The following ABCG2 variants were observed in gnomAD, a reference collection of about 807,000 sequenced individuals.
ABCG2 encodes ATP binding cassette subfamily G member 2 (JR blood group).
Under a neutral mutation model 73.5 loss-of-function variants are expected in ABCG2, and 80 were observed. The observed-to-expected ratio is 1.09, with a 90% CI of 0.91 to 1.31. The LOEUF (loss-of-function observed/expected upper bound fraction) is 1.31, where lower values mean the gene tolerates loss of function less well. ABCG2 is among the 50% of genes most tolerant of loss of function. The probability of loss-of-function intolerance (pLI) is 0.00; values close to 1 mark genes in which losing one functional copy is unlikely to be tolerated. For synonymous variants in ABCG2, 269 were observed against 282.4 expected (o/e 0.95, Z 0.48); for missense variants, 796 against 786.2 (o/e 1.01, Z -0.15).
intron 6 of ABCG2, among the ~76,000 whole-genome samples, chr4:88,119,356 TG>T (rs1723805571): frequency 6.6e-6 from 1 of 152,238 alleles, no homozygotes. Flanking sequence ...AAATTGGTAC[TG>T]GTAGAGCAGG....
chr4:88,211,023 C>T (rs1729569034), intron 1 of ABCG2, among the ~76,000 whole-genome samples: 2 of 151,688 alleles, frequency 1.3e-5, no homozygotes, highest in Admixed American at 6.6e-5. Flanking sequence ...GCTGTAGTGC[C>T]CTGTGACTGC....
chr4:88,129,084 T>C (rs1481682618), intron 5 of ABCG2, among the ~76,000 whole-genome samples: 2 of 152,072 alleles, frequency 1.3e-5, no homozygotes, highest in Admixed American at 1.3e-4. Flanking sequence ...CTATAATTAT[T>C]AGTCTTCTAA....
upstream of ABCG2, among the ~76,000 whole-genome samples, chr4:88,160,813 C>A (rs1727264677): frequency 7.1e-6 from 1 of 140,968 alleles, no homozygotes; most frequent in African/African-American, 2.7e-5. Flanking sequence ...CATGTCACTG[C>A]ACTCTAGCCT....
chr4:88,221,473 A>C (rs965768993), intron 1 of ABCG2, among the ~76,000 whole-genome samples: 40 of 152,212 alleles, frequency 2.6e-4, no homozygotes, highest in Non-Finnish European at 2.9e-5. Flanking sequence ...AGACAGGAAA[A>C]TGTGGGAAAG....
intron 11 of ABCG2, among the ~76,000 whole-genome samples, chr4:88,099,669 T>C (rs1334727733): frequency 1.3e-5 from 2 of 152,198 alleles, no homozygotes; most frequent in African/African-American, 4.8e-5. Context: ...CCTCTTCTCA[T>C]GACACTGTTC....
intron 1 of ABCG2, among the ~76,000 whole-genome samples, chr4:88,210,374 T>C (rs935358373): frequency 1.3e-5 from 2 of 152,090 alleles, no homozygotes; most frequent in Non-Finnish European, 2.9e-5. Flanking sequence ...ATTTTTGTGT[T>C]CGTTGAAGGA....
intron 1 of ABCG2, among the ~76,000 whole-genome samples, chr4:88,202,374 A>ATATATATATATATC (rs1240795047): frequency 8.6e-6 from 1 of 115,834 alleles, no homozygotes; most frequent in Non-Finnish European, 1.8e-5. Context: ...ATATATATAT[A>ATATATATATATATC]TATGTATATT....
At chr4:88,203,940 A>C (rs1411692558) in intron 1 of ABCG2, among the ~76,000 whole-genome samples, 1 of 152,146 alleles carries the variant, frequency 6.6e-6, no homozygotes, top group Non-Finnish European at 1.5e-5. Flanking sequence ...AAAATCTTAA[A>C]GCCACAGCTG....
At chr4:88,209,958 G>A (rs983376470) in intron 1 of ABCG2, among the ~76,000 whole-genome samples, 1 of 151,944 alleles carries the variant, frequency 6.6e-6, no homozygotes, top group Non-Finnish European at 1.5e-5. Flanking sequence ...GACTGAATAC[G>A]TTTTTTGCTT....
At position 88,183,210 on chromosome 4, in the gene ABCG2, AT is replaced by A. The variant is rs554433011; in HGVS notation, c.-19-43197del. ...ACCCAAAACTGGTAGAAGAAGAGAA[AT>A]TATGAAGATCAGAGCAAAATAAATG... On this transcript the variant is annotated intron_variant, in intron 1 of 15. Transcript: ENST00000515655. Among the ~76,000 whole-genome samples, 8 of 152,082 alleles carry A rather than the reference AT, an allele frequency of 5.3e-5. No individual in the cohort carries two copies. The South Asian group carries it at 1.4e-3, about 28-fold the overall frequency.
At chr4:88,206,853 G>A (rs974140206) in intron 1 of ABCG2, among the ~76,000 whole-genome samples, 1 of 152,140 alleles carries the variant, frequency 6.6e-6, no homozygotes, top group African/African-American at 2.4e-5. Flanking sequence ...TAGACACAGA[G>A]CGCTGATTGG....
At chr4:88,186,633 C>T (rs1382008872) in intron 1 of ABCG2, among the ~76,000 whole-genome samples, 1 of 151,982 alleles carries the variant, frequency 6.6e-6, no homozygotes, top group African/African-American at 2.4e-5. Context: ...AAAATTTAGC[C>T]GGGCGGCCGG....
intron 2 of ABCG2, among the ~76,000 whole-genome samples, chr4:88,134,065 CA>C (rs1725084677): frequency 6.6e-6 from 1 of 151,362 alleles, no homozygotes; most frequent in Non-Finnish European, 1.5e-5. Context: ...TTTCAAAACA[CA>C]GGTATCTATG....
Position 88,099,465 on chromosome 4 carries a change from C to A in ABCG2, c.1368-17G>T. 1 of 1,586,358 alleles carries A rather than the reference C, an allele frequency of 6.3e-7. No individual in the cohort carries two copies. Among genetic ancestry groups the A allele is most frequent in the Middle Eastern group, 1.8e-4 (1 of 5,616 alleles). ...TATTCATGTCTATAGAACAAAAATA[C>A]GTATCATACATCCAAGATTAGTTTA... On this transcript the variant is annotated splice_polypyrimidine_tract_variant and intron_variant, in intron 11 of 15. Coordinates refer to ENST00000237612, the MANE Select transcript of ABCG2 (RefSeq NM_004827.3).
chr4:88,112,079 C>T (rs1376604103), intron 9 of ABCG2, among the ~76,000 whole-genome samples: 1 of 132,958 alleles, frequency 7.5e-6, no homozygotes, highest in East Asian at 2.1e-4. Flanking sequence ...GAGTGAGACC[C>T]AGTCTCTAAA....
chr4:88,170,954 G>T lies in ABCG2; in HGVS notation c.-19-30940C>A, dbSNP rs1227416276. Among the ~76,000 whole-genome samples, 6 of 152,196 alleles carry T rather than the reference G, an allele frequency of 3.9e-5. No homozygotes were observed. The East Asian group carries it at 1.2e-3, about 29-fold the overall frequency. ...ACTATGCAGCCATAAAAAGGAATGA[G>T]ATCATGTCTTACAGGAACACGGATG... On this transcript the variant is annotated intron_variant, in intron 1 of 15. Coordinates refer to the ABCG2 transcript ENST00000515655.
intron 2 of ABCG2, among the ~76,000 whole-genome samples, chr4:88,133,770 G>T (rs1725058953): frequency 6.6e-6 from 1 of 152,224 alleles, no homozygotes. Context: ...AGCCGAGGCG[G>T]GTGGATCACT....
At chr4:88,159,929 T>G (rs1023240921), upstream of ABCG2, among the ~76,000 whole-genome samples, 2 of 152,186 alleles carry the variant, frequency 1.3e-5, no homozygotes, top group Non-Finnish European at 2.9e-5. Context: ...TAGAAATACA[T>G]GTTAGTCATA....
intron 5 of ABCG2, among the ~76,000 whole-genome samples, chr4:88,130,845 C>T (rs1724804171): frequency 6.6e-6 from 1 of 152,178 alleles, no homozygotes; most frequent in Admixed American, 6.5e-5. Context: ...ACCACATTGC[C>T]TCACTTCAGG....
Sources: gnomAD v4.1 joint callset for allele counts (sites outside exome capture counted in the v4.1 genomes callset) on GRCh38, gnomAD v4.1.1 for gene constraint, MANE v1.5 for transcripts, NCBI Gene and HGNC (gene_info 2026-07-23, HGNC 2026-07-21) for gene names.